TCAIM: variants seen among roughly 807,000 people sequenced by gnomAD.
TCAIM encodes the protein T cell activation inhibitor, mitochondrial, also known as T-cell activation inhibitor, mitochondrial.
Under a neutral mutation model 58.6 loss-of-function variants are expected in TCAIM, and 36 were observed. The observed-to-expected ratio is 0.61, with a 90% confidence interval of 0.47 to 0.81. The LOEUF (loss-of-function observed/expected upper bound fraction) is 0.81, where lower values mean the gene tolerates loss of function less well. Among genes scored for constraint, TCAIM ranks in the 30% least tolerant of loss-of-function variants. The pLI is 0.00. For synonymous variants in TCAIM, 172 were observed against 193.6 expected (o/e 0.89, Z 0.93); for missense variants, 466 against 579.6 (o/e 0.80, Z 2.01).
chr3:44,367,394 A>T (rs972137990), intron 4 of TCAIM, 62 bp from the exon 5 acceptor site: 1 of 1,501,358 alleles, frequency 6.7e-7, no homozygotes, highest in Non-Finnish European at 8.9e-7. Context: ...TTGATTTTAT[A>T]TATGTTGAAA....
intron 5 of TCAIM, among the ~76,000 whole-genome samples, chr3:44,378,969 G>A (rs1002250946): frequency 1.3e-5 from 2 of 151,650 alleles, no homozygotes; most frequent in African/African-American, 2.4e-5. Context: ...GACCACCCTG[G>A]GCAACATGAC....
At chr3:44,365,503 T>C (rs1457277363) in intron 4 of TCAIM, among the ~76,000 whole-genome samples, 2 of 152,110 alleles carry the variant, frequency 1.3e-5, no homozygotes, top group African/African-American at 4.8e-5. Context: ...AATTTTTGTA[T>C]TTTTAGTAGA....
Position 44,357,819 on chromosome 3 carries a change from G to C in TCAIM, c.108G>C (p.Leu36Phe). ...ALSGAEAVNALRPFYFAVHPD... is the reference protein window; with the variant it reads ...ALSGAEAVNAFRPFYFAVHPD... ...CGGGAGCTGAAGCAGTCAATGCCTT[G>C]AGGCCTTTCTATTTTGCAGTACATC... Residue 36 changes from leucine to phenylalanine, a missense_variant, in exon 3 of 11, where the codon TTG becomes TTC. Physicochemically the swap from Leu to Phe is conservative, Grantham distance 22. Transcript: ENST00000342649. 6.2e-7 allele frequency: 1 copy of C among 1,614,156 alleles called. No homozygotes were observed. Among genetic ancestry groups the C allele is most frequent in the Non-Finnish European group, 8.5e-7 (1 of 1,180,018 alleles).
At chr3:44,381,736 CAGATTCCACTGA>C (rs1701658607) in intron 5 of TCAIM, among the ~76,000 whole-genome samples, 1 of 152,138 alleles carries the variant, frequency 6.6e-6, no homozygotes, top group Non-Finnish European at 1.5e-5. Context: ...GAAAACTCTG[CAGATTCCACTGA>C]AGAATCTGTT....
intron 5 of TCAIM, among the ~76,000 whole-genome samples, chr3:44,389,949 G>A (rs542809551): frequency 6.6e-5 from 10 of 152,220 alleles, no homozygotes; most frequent in Non-Finnish European, 5.9e-5. Context: ...TGATTGACAT[G>A]CCATTCTCTC....
rs951326823 is a variant in TCAIM, at chr3:44,400,293, T to C, written c.886-62T>C. 3.2e-5 allele frequency: 41 copies of C among 1,290,792 alleles called. 1 individual carries two copies. In the Admixed American group the frequency reaches 5.6e-4, roughly 18 times the overall value. 80.0% of individuals were successfully genotyped at this position (1,290,792 alleles called of 1,614,324 possible). A position where few individuals can be genotyped will look rare whatever the true frequency, so the allele number is the denominator to read the frequency against. ...GTCTTAATGCCATTTATTGGAATTC[T>C]AAAATTAAATTATTATAGTAACATA... On this transcript the variant is annotated intron_variant, in intron 8 of 10. Coordinates refer to ENST00000342649, the MANE Select transcript of TCAIM (RefSeq NM_173826.4).
chr3:44,344,320 C>CTAAAA (rs1700919418), intron 1 of TCAIM, among the ~76,000 whole-genome samples: 1 of 152,156 alleles, frequency 6.6e-6, no homozygotes, highest in African/African-American at 2.4e-5. Context: ...TGAAATGCTT[C>CTAAAA]TGAAATGTGC....
chr3:44,339,665 C>G (rs1291057295), intron 1 of TCAIM: 1 of 152,142 alleles, frequency 6.6e-6, no homozygotes, highest in Non-Finnish European at 1.5e-5. Flanking sequence ...TTTATCCTTC[C>G]CGGTCCTCTG....
intron 9 of TCAIM, 150 bp from the exon 10 acceptor site, chr3:44,401,053 C>A: frequency 8.9e-7 from 1 of 1,129,062 alleles, no homozygotes; most frequent in Non-Finnish European, 1.2e-6. Flanking sequence ...TCTTTGGGGG[C>A]AGCAAAGCTT....
chr3:44,369,139 A>G (rs1255138413), intron 5 of TCAIM, among the ~76,000 whole-genome samples: 1 of 152,270 alleles, frequency 6.6e-6, no homozygotes, highest in Non-Finnish European at 1.5e-5. Flanking sequence ...CACAGAGGCT[A>G]CAGTGAGAAT....
At chr3:44,395,471 A>C (rs186116915) in intron 6 of TCAIM, among the ~76,000 whole-genome samples, 1 of 152,310 alleles carries the variant, frequency 6.6e-6, no homozygotes, top group Non-Finnish European at 1.5e-5. Context: ...TAGGAAGGCT[A>C]AAAGCAGCTT....
At chr3:44,350,633 C>T (rs1451189621) in intron 1 of TCAIM, among the ~76,000 whole-genome samples, 2 of 151,928 alleles carry the variant, frequency 1.3e-5, no homozygotes, top group Non-Finnish European at 2.9e-5. Flanking sequence ...ACTATGTTGC[C>T]CAGAGGCTGG....
At chr3:44,361,057 A>G (rs1047940421) in intron 3 of TCAIM, among the ~76,000 whole-genome samples, 33 of 152,182 alleles carry the variant, frequency 2.2e-4, no homozygotes, top group African/African-American at 7.7e-4. Flanking sequence ...ACAAACAATC[A>G]TTTATTACTT....
In TCAIM at chr3:44,407,688, A is replaced by G. The variant is rs766597672; in HGVS notation, c.*6A>G. The G allele has an allele frequency of 1.3e-6, 2 of 1,566,432 alleles. No individual in the cohort carries two copies. The highest frequency in any genetic ancestry group is 1.7e-6 in the Non-Finnish European group (2 of 1,162,450). The stretch of plus-strand genomic sequence containing the variant: ...ATGGAGAAGCCATTAAGTAACACAG[A>G]AATCTGTTTTATTTTTTTAAGAGAT... On this transcript the variant is annotated 3_prime_UTR_variant, in exon 11 of 11. Transcript: ENST00000342649.
At chr3:44,390,671 C>A (rs1440232877) in intron 5 of TCAIM, among the ~76,000 whole-genome samples, 1 of 151,960 alleles carries the variant, frequency 6.6e-6, no homozygotes, top group Non-Finnish European at 1.5e-5. Context: ...AATTAAAAAA[C>A]AAATTTTAAG....
chr3:44,343,730 G>A (rs1325107747), intron 1 of TCAIM, among the ~76,000 whole-genome samples: 4 of 152,114 alleles, frequency 2.6e-5, no homozygotes, highest in African/African-American at 9.7e-5. Flanking sequence ...CACAAAATAA[G>A]CAGATAGAAA....
rs79070494 is a variant in TCAIM, at chr3:44,402,610, C to T, written c.1250+1276C>T. ...TACTGTGACTGTTACGTGCCCAAAG[C>T]TGAGATCAATGCCATTGATAGAAAG... On this transcript the variant is annotated intron_variant, in intron 10 of 10. Transcript: ENST00000342649. Among the ~76,000 whole-genome samples the T allele has an allele frequency of 6.2e-3, 939 of 152,228 alleles. 5 individuals are homozygous for T. Among genetic ancestry groups the T allele is most frequent in the Non-Finnish European group, 9.4e-3 (642 of 68,016 alleles).
At chr3:44,382,244 C>T (rs888371853) in intron 5 of TCAIM, among the ~76,000 whole-genome samples, 3 of 152,156 alleles carry the variant, frequency 2.0e-5, no homozygotes, top group African/African-American at 7.2e-5. Context: ...GTAAACAAAG[C>T]ATTGTGATAC....
At chr3:44,362,311 C>T (rs534173107) in intron 4 of TCAIM, 2 of 398,934 alleles carry the variant, frequency 5.0e-6, no homozygotes, top group South Asian at 2.5e-4. Context: ...GCTGTGTGAC[C>T]TTTAACTTTT....
Sources: allele counts gnomAD v4.1 joint callset (sites outside exome capture counted in the v4.1 genomes callset), GRCh38; gene constraint gnomAD v4.1.1; transcripts MANE v1.5; gene names NCBI Gene and HGNC (gene_info 2026-07-23, HGNC 2026-07-21).